Variants in PLXDC2 observed in about 807,000 individuals in gnomAD.
PLXDC2 encodes the protein plexin domain-containing protein 2.
PLXDC2 carries 40 observed loss-of-function variants against 68.9 expected under a neutral mutation model. The observed-to-expected ratio is 0.58, with a 90% CI of 0.45 to 0.76. The LOEUF is 0.76. PLXDC2 is among the 30% of genes least tolerant of loss of function. PLXDC2 has a pLI of 0.00. For synonymous variants in PLXDC2, 243 were observed against 234.2 expected, an observed-to-expected ratio of 1.04 and a Z score of -0.34; for missense variants, 644 against 661.9, an observed-to-expected ratio of 0.97 and a Z score of 0.30.
chr10:19,998,972 A>G (rs1032317228), intron 1 of PLXDC2, among the ~76,000 whole-genome samples: 2 of 152,232 alleles, frequency 1.3e-5, no homozygotes, highest in Admixed American at 1.3e-4. Flanking sequence ...AGTTTGACAC[A>G]TTCATCAGAC....
At chr10:20,026,438 A>G (rs1470238939) in intron 2 of PLXDC2, among the ~76,000 whole-genome samples, 1 of 152,176 alleles carries the variant, frequency 6.6e-6, no homozygotes, top group Non-Finnish European at 1.5e-5. Flanking sequence ...GGTCAATTTA[A>G]TCATGTGATT....
intron 2 of PLXDC2, among the ~76,000 whole-genome samples, chr10:20,028,597 C>A (rs1835446583): frequency 6.6e-6 from 1 of 152,148 alleles, no homozygotes; most frequent in Non-Finnish European, 1.5e-5. Flanking sequence ...TTACTCTAAA[C>A]CTTCTGGACT....
At chr10:20,211,122 A>G (rs1293497645) in intron 9 of PLXDC2, among the ~76,000 whole-genome samples, 1 of 152,086 alleles carries the variant, frequency 6.6e-6, no homozygotes, top group Non-Finnish European at 1.5e-5. Flanking sequence ...ACTTCTCAAG[A>G]GCAAGTCAAG....
chr10:19,925,239 G>A (rs1032393994), intron 1 of PLXDC2, among the ~76,000 whole-genome samples: 4 of 152,198 alleles, frequency 2.6e-5, no homozygotes, highest in African/African-American at 9.6e-5. Context: ...GGCATGGAGA[G>A]CCTGCATGGC....
chr10:19,884,548 C>T (rs1203261634), intron 1 of PLXDC2, among the ~76,000 whole-genome samples: 1 of 150,854 alleles, frequency 6.6e-6, no homozygotes, highest in Non-Finnish European at 1.5e-5. Context: ...GTTCCCCTTC[C>T]TGTGTCCATG....
In PLXDC2 at chr10:20,283,564, C is replaced by T. The variant is rs755985706; in HGVS notation, c.*3745C>T. On this transcript the variant is annotated 3_prime_UTR_variant, in exon 14 of 14. Transcript: ENST00000377252. ...AAGCAAAATTGCTTCAGTTTCTTTT[C>T]TGCCCATCTGAATATTTCCTTTAGT... 2.6e-5 allele frequency: 4 copies of T among 152,202 alleles called. No individual in the cohort carries two copies. Among genetic ancestry groups the T allele is most frequent in the Non-Finnish European group, 5.9e-5 (4 of 68,032 alleles). 9.4% of individuals were successfully genotyped at this position (152,202 alleles called of 1,614,324 possible). A position where few individuals can be genotyped will look rare whatever the true frequency, so the allele number is the denominator to read the frequency against.
At chr10:20,253,522 C>A (rs1448751043) in intron 13 of PLXDC2, among the ~76,000 whole-genome samples, 1 of 152,004 alleles carries the variant, frequency 6.6e-6, no homozygotes, top group East Asian at 1.9e-4. Context: ...ATTGTTCATA[C>A]CACGCTTTTT....
At chr10:20,022,750 G>C (rs1352689648) in intron 2 of PLXDC2, among the ~76,000 whole-genome samples, 1 of 152,114 alleles carries the variant, frequency 6.6e-6, no homozygotes, top group East Asian at 1.9e-4. Flanking sequence ...AAGGCGAAGA[G>C]TGATGTACAT....
chr10:19,901,053 CAATT>C (rs1414268962), intron 1 of PLXDC2, among the ~76,000 whole-genome samples: 2 of 148,706 alleles, frequency 1.3e-5, no homozygotes, highest in Non-Finnish European at 3.0e-5. Flanking sequence ...ATATATAAAA[CAATT>C]TATTTATATA....
At chr10:20,135,695 T>C (rs1279452329) in intron 4 of PLXDC2, among the ~76,000 whole-genome samples, 1 of 152,222 alleles carries the variant, frequency 6.6e-6, no homozygotes, top group East Asian at 1.9e-4. Context: ...TTTATATTGG[T>C]AATTTTATGA....
In PLXDC2 at chr10:19,918,438, A is replaced by C. The variant is rs1487682206; in HGVS notation, c.113-83337A>C. ...TTCTCTACATTAAGGGAAGCTGTGA[A>C]AGGAAGGCCTTGGAAACATTGAAAA... On this transcript the variant is annotated intron_variant, in intron 1 of 13. Transcript: ENST00000377252. Among the ~76,000 whole-genome samples, 3 of 152,330 alleles carry C rather than the reference A, an allele frequency of 2.0e-5. No homozygotes were observed. In the East Asian group the frequency reaches 5.8e-4, roughly 29 times the overall value.
At chr10:20,207,464 A>G (rs1835008256) in intron 9 of PLXDC2, among the ~76,000 whole-genome samples, 1 of 152,216 alleles carries the variant, frequency 6.6e-6, no homozygotes. Context: ...CTTTGGATAC[A>G]TTTGAAACAG....
intron 4 of PLXDC2, among the ~76,000 whole-genome samples, chr10:20,117,022 A>T (rs1055647979): frequency 3.4e-5 from 5 of 147,826 alleles, no homozygotes. Context: ...CAGACAATAT[A>T]ATTATCACAT....
At chr10:20,162,600 C>T (rs1409971249) in intron 6 of PLXDC2, among the ~76,000 whole-genome samples, 3 of 151,914 alleles carry the variant, frequency 2.0e-5, no homozygotes, top group East Asian at 3.9e-4. Context: ...GGAATTTTTC[C>T]CTATGCTTTT....
intron 1 of PLXDC2, among the ~76,000 whole-genome samples, chr10:19,987,515 T>C (rs1404500608): frequency 6.6e-6 from 1 of 152,082 alleles, no homozygotes; most frequent in African/African-American, 2.4e-5. Context: ...ATCCTTTTTT[T>C]ACTCTAGGTT....
At chr10:20,240,639 T>G (rs887379947) in intron 12 of PLXDC2, among the ~76,000 whole-genome samples, 5 of 133,344 alleles carry the variant, frequency 3.7e-5, no homozygotes, top group African/African-American at 1.4e-4. Context: ...TACGTTCATC[T>G]AAAGCCCATA....
intron 1 of PLXDC2, among the ~76,000 whole-genome samples, chr10:20,001,481 G>A (rs2131637283): frequency 6.6e-6 from 1 of 152,188 alleles, no homozygotes. Context: ...GCGTGTGGAG[G>A]GGGCAAGGGA....
At chr10:20,025,625 G>T (rs1032420634) in intron 2 of PLXDC2, among the ~76,000 whole-genome samples, 3 of 152,036 alleles carry the variant, frequency 2.0e-5, no homozygotes, top group African/African-American at 7.2e-5. Flanking sequence ...GTTTTGATGT[G>T]CATTTCTCTG....
intron 4 of PLXDC2, among the ~76,000 whole-genome samples, chr10:20,097,027 T>A (rs1438497718): frequency 6.6e-6 from 1 of 152,138 alleles, no homozygotes; most frequent in Non-Finnish European, 1.5e-5. Context: ...TTCATTTCTG[T>A]CGGATACTCG....
Sources: gnomAD v4.1 joint callset for allele counts (sites outside exome capture counted in the v4.1 genomes callset) on GRCh38, gnomAD v4.1.1 for gene constraint, MANE v1.5 for transcripts, NCBI Gene and HGNC (gene_info 2026-07-23, HGNC 2026-07-21) for gene names.